TMEFF2: variants seen among roughly 807,000 people sequenced by gnomAD.
TMEFF2 encodes transmembrane protein with EGF like and two follistatin like domains 2, also known as tomoregulin-2.
Under a neutral mutation model 53.8 loss-of-function variants are expected in TMEFF2, and 28 were observed. That is an observed-to-expected ratio of 0.52 (90% CI 0.39 to 0.71). The LOEUF (loss-of-function observed/expected upper bound fraction) is 0.71, where lower values mean the gene tolerates loss of function less well. Ranked by LOEUF, TMEFF2 falls within the 30% of genes least tolerant of loss-of-function variation. The pLI, the probability that TMEFF2 is intolerant of heterozygous loss-of-function variation, is 0.00. For missense variants in TMEFF2, 353 were observed against 455.2 expected (o/e 0.78, Z 2.04); for synonymous variants, 162 against 166.3 (o/e 0.97, Z 0.20).
rs535803773 is a variant in TMEFF2, at chr2:192,112,999, G to A, written c.440-55224C>T. 3.3e-5 allele frequency among the ~76,000 whole-genome samples: 5 copies of A among 152,236 alleles called. No homozygotes were observed. The East Asian group carries it at 9.6e-4, about 29-fold the overall frequency. Reference sequence around the variant, plus strand: ...TTCCTTTATAATTACCCAGTCTTGGGTTGTCTTTGTCAGCAGTGTGGAAAC... The same window carrying A: ...TTCCTTTATAATTACCCAGTCTTGGATTGTCTTTGTCAGCAGTGTGGAAAC... On this transcript the variant is annotated intron_variant, in intron 4 of 9. Coordinates refer to ENST00000272771, the MANE Select transcript of TMEFF2 (RefSeq NM_016192.4).
intron 5 of TMEFF2, chr2:192,036,372 T>C (rs1004491390): frequency 1.3e-5 from 2 of 152,148 alleles, no homozygotes; most frequent in Admixed American, 6.5e-5. Flanking sequence ...TCATGTAAGA[T>C]ATGTTTTTCT....
chr2:192,105,133 CTT>C lies in TMEFF2; in HGVS notation c.440-47360_440-47359del, dbSNP rs943731539. On this transcript the variant is annotated intron_variant, in intron 4 of 9. Transcript: ENST00000272771. ...ATGTAGTAATGTTGGGCAACATACT[CTT>C]TTCATTTGACCTACTCTAAAGTGAC... 3.3e-5 allele frequency among the ~76,000 whole-genome samples: 5 copies of C among 152,048 alleles called. No homozygotes were observed. In the East Asian group the frequency reaches 7.7e-4, roughly 23 times the overall value.
At chr2:192,172,014 AG>A (rs1444847935) in intron 4 of TMEFF2, among the ~76,000 whole-genome samples, 1 of 151,942 alleles carries the variant, frequency 6.6e-6, no homozygotes, top group African/African-American at 2.4e-5. Context: ...GATAGCTTAC[AG>A]TTGAGTCCCT....
chr2:192,158,988 AC>A (rs759923546), intron 4 of TMEFF2, among the ~76,000 whole-genome samples: 7 of 152,188 alleles, frequency 4.6e-5, no homozygotes, highest in Admixed American at 6.6e-5. Context: ...TACAGACCAT[AC>A]CTTCTGATCT....
At chr2:192,144,833 A>T (rs935983720) in intron 4 of TMEFF2, among the ~76,000 whole-genome samples, 3 of 152,004 alleles carry the variant, frequency 2.0e-5, no homozygotes, top group Non-Finnish European at 4.4e-5. Context: ...GATCATATCT[A>T]ACTTGACTTA....
At chr2:192,083,336 G>A (rs1688596739) in intron 4 of TMEFF2, among the ~76,000 whole-genome samples, 1 of 152,092 alleles carries the variant, frequency 6.6e-6, no homozygotes, top group African/African-American at 2.4e-5. Flanking sequence ...TCTAAACTCA[G>A]TGTATCAAGG....
At chr2:192,112,099 G>A (rs769810618) in intron 4 of TMEFF2, among the ~76,000 whole-genome samples, 6 of 152,214 alleles carry the variant, frequency 3.9e-5, no homozygotes, top group Admixed American at 6.5e-5. Flanking sequence ...CCCACACAGA[G>A]TTCTCACTGG....
intron 3 of TMEFF2, among the ~76,000 whole-genome samples, chr2:192,182,529 G>C (rs1252852046): frequency 1.3e-5 from 2 of 151,934 alleles, no homozygotes; most frequent in Non-Finnish European, 1.5e-5. Flanking sequence ...AGTATAACCA[G>C]CACATCAGGG....
intron 4 of TMEFF2, among the ~76,000 whole-genome samples, chr2:192,074,867 G>A (rs1350990058): frequency 6.6e-6 from 1 of 151,824 alleles, no homozygotes; most frequent in Non-Finnish European, 1.5e-5. Flanking sequence ...ATAAGAGATA[G>A]CATGACTGCC....
intron 5 of TMEFF2, among the ~76,000 whole-genome samples, chr2:192,021,689 C>T (rs1403713757): frequency 1.3e-5 from 2 of 152,120 alleles, no homozygotes; most frequent in African/African-American, 4.8e-5. Context: ...GAACTGCCCC[C>T]AAGAGCATCA....
chr2:192,010,617 G>T (rs531317279), intron 5 of TMEFF2, among the ~76,000 whole-genome samples: 3 of 152,142 alleles, frequency 2.0e-5, no homozygotes, highest in African/African-American at 7.2e-5. Flanking sequence ...GCACCTACTT[G>T]GTACCAGGTA....
intron 5 of TMEFF2, among the ~76,000 whole-genome samples, chr2:192,056,546 C>T (rs966406332): frequency 1.3e-5 from 2 of 152,128 alleles, no homozygotes; most frequent in Non-Finnish European, 2.9e-5. Flanking sequence ...GGGACGAATA[C>T]AGTAGAAAGC....
chr2:192,089,151 A>G (rs1207990581), intron 4 of TMEFF2, among the ~76,000 whole-genome samples: 2 of 152,084 alleles, frequency 1.3e-5, no homozygotes, highest in African/African-American at 4.8e-5. Flanking sequence ...TCACTGAATT[A>G]GGGTACCTAG....
chr2:192,118,907 A>G lies in TMEFF2; in HGVS notation c.439+60761T>C, dbSNP rs150890755. 9.9e-5 allele frequency among the ~76,000 whole-genome samples: 15 copies of G among 152,280 alleles called. No homozygotes were observed. In the East Asian group the frequency reaches 2.7e-3, roughly 27 times the overall value. ...TACCAATATTATTGTTATATATTTT[A>G]CCAAATTATTTAGAAAATAGGTAAG... is the stretch of plus-strand genomic sequence containing the variant. On this transcript the variant is annotated intron_variant, in intron 4 of 9. Coordinates refer to ENST00000272771, the MANE Select transcript of TMEFF2 (RefSeq NM_016192.4).
chr2:191,953,650 T>C lies in TMEFF2; in HGVS notation c.1028+29A>G, dbSNP rs760949360. 3.1e-6 allele frequency: 5 copies of C among 1,609,330 alleles called. No individual in the cohort carries two copies. In the South Asian group the frequency reaches 5.5e-5, roughly 18 times the overall value. On this transcript the variant is annotated intron_variant, in intron 9 of 9. Coordinates refer to ENST00000272771, the MANE Select transcript of TMEFF2 (RefSeq NM_016192.4). The stretch of plus-strand genomic sequence containing the variant: ...AAAGAGTAACAATATATCCCTTTAT[T>C]TGGGTAGCCACCAAGTGCTGTTACT...
At chr2:192,192,104 T>C in intron 1 of TMEFF2, 115 bp from the exon 2 acceptor site, 1 of 668,378 alleles carries the variant, frequency 1.5e-6, no homozygotes, top group Non-Finnish European at 2.6e-6. Context: ...CCAACAACTA[T>C]AGCTGTACTG....
At chr2:192,128,282 T>C (rs575545525) in intron 4 of TMEFF2, among the ~76,000 whole-genome samples, 4 of 152,348 alleles carry the variant, frequency 2.6e-5, no homozygotes, top group East Asian at 3.9e-4. Context: ...TATGTAAGAA[T>C]TGACAGGTGA....
intron 4 of TMEFF2, among the ~76,000 whole-genome samples, chr2:192,139,168 T>C (rs1295820809): frequency 6.6e-6 from 1 of 152,190 alleles, no homozygotes; most frequent in Non-Finnish European, 1.5e-5. Flanking sequence ...ACCAAGTGGC[T>C]GAAATTGTCA....
intron 4 of TMEFF2, chr2:192,177,218 C>A (rs1691067451): frequency 6.6e-6 from 1 of 151,074 alleles, no homozygotes. Context: ...CCTCTCAAAA[C>A]CTTGGTAATA....
Sources: gnomAD v4.1 joint callset for allele counts (sites outside exome capture counted in the v4.1 genomes callset) on GRCh38, gnomAD v4.1.1 for gene constraint, MANE v1.5 for transcripts, NCBI Gene and HGNC (gene_info 2026-07-23, HGNC 2026-07-21) for gene names.